TMEM163: variants seen among roughly 807,000 people sequenced by gnomAD.
TMEM163 encodes the protein transmembrane protein 163.
Under a neutral mutation model 29.3 loss-of-function variants are expected in TMEM163, and 17 were observed. The observed-to-expected ratio is 0.58, with a 90% confidence interval of 0.40 to 0.87. The LOEUF (loss-of-function observed/expected upper bound fraction) is 0.87. Among genes scored for constraint, TMEM163 ranks in the 40% least tolerant of loss-of-function variants. TMEM163 has a pLI of 0.00. For missense variants in TMEM163, 303 were observed against 381.5 expected, an observed-to-expected ratio of 0.79 and a Z score of 1.71; for synonymous variants, 157 against 160.6, an observed-to-expected ratio of 0.98 and a Z score of 0.17.
At chr2:134,580,518 C>T (rs1370519491) in intron 2 of TMEM163, among the ~76,000 whole-genome samples, 2 of 152,124 alleles carry the variant, frequency 1.3e-5, no homozygotes, top group Non-Finnish European at 2.9e-5. Context: ...TAAGTGTATA[C>T]GGAATAAAAT....
chr2:134,620,842 G>A (rs1482951933), intron 2 of TMEM163, among the ~76,000 whole-genome samples: 1 of 152,136 alleles, frequency 6.6e-6, no homozygotes, highest in Non-Finnish European at 1.5e-5. Context: ...ATGAGTAACA[G>A]CACTAAATGT....
At chr2:134,686,719 G>C (rs534247639) in intron 2 of TMEM163, among the ~76,000 whole-genome samples, 6 of 152,222 alleles carry the variant, frequency 3.9e-5, no homozygotes, top group Admixed American at 3.9e-4. Flanking sequence ...GAAGTGAAAA[G>C]CTGTGAAGGA....
chr2:134,695,872 G>A (rs977731208), intron 2 of TMEM163, among the ~76,000 whole-genome samples: 1 of 152,054 alleles, frequency 6.6e-6, no homozygotes, highest in African/African-American at 2.4e-5. Flanking sequence ...CCAATATGGC[G>A]AAACCCCGTC....
chr2:134,485,337 T>C (rs2106480770), intron 5 of TMEM163, among the ~76,000 whole-genome samples: 1 of 152,380 alleles, frequency 6.6e-6, no homozygotes, highest in East Asian at 1.9e-4. Flanking sequence ...AATGGTTACA[T>C]GGGTCCTTGA....
chr2:134,587,090 A>G (rs1005027469), intron 2 of TMEM163, among the ~76,000 whole-genome samples: 3 of 152,120 alleles, frequency 2.0e-5, no homozygotes, highest in African/African-American at 7.2e-5. Flanking sequence ...GCTTAAATAA[A>G]AGGTCTACCC....
At chr2:134,614,548 C>T (rs1416834714) in intron 2 of TMEM163, among the ~76,000 whole-genome samples, 2 of 152,096 alleles carry the variant, frequency 1.3e-5, no homozygotes, top group African/African-American at 2.4e-5. Flanking sequence ...ATAAATTGAA[C>T]CTTATCAAAA....
chr2:134,634,726 T>C (rs1403660361), intron 2 of TMEM163, among the ~76,000 whole-genome samples: 3 of 152,252 alleles, frequency 2.0e-5, no homozygotes, highest in Admixed American at 6.5e-5. Flanking sequence ...TGGGTGCATA[T>C]AGTCTTCGTC....
intron 4 of TMEM163, among the ~76,000 whole-genome samples, chr2:134,521,728 C>T (rs962304421): frequency 6.6e-6 from 1 of 152,188 alleles, no homozygotes; most frequent in African/African-American, 2.4e-5. Context: ...CCACCACAGC[C>T]TCTGTGCACA....
chr2:134,594,618 G>A (rs772526899), intron 2 of TMEM163, among the ~76,000 whole-genome samples: 19 of 152,234 alleles, frequency 1.2e-4, no homozygotes, highest in Non-Finnish European at 2.2e-4. Flanking sequence ...CGGCAGAACT[G>A]TAGATCAGGG....
At chr2:134,531,523 T>C (rs573225395) in intron 4 of TMEM163, among the ~76,000 whole-genome samples, 23 of 152,330 alleles carry the variant, frequency 1.5e-4, no homozygotes, top group African/African-American at 5.5e-4. Flanking sequence ...TCTGACCCAC[T>C]GGCTAGGAAT....
At chr2:134,660,131 G>T (rs776320673) in intron 2 of TMEM163, among the ~76,000 whole-genome samples, 4 of 152,170 alleles carry the variant, frequency 2.6e-5, no homozygotes, top group Non-Finnish European at 5.9e-5. Context: ...GCTCCTATGA[G>T]GTGGGGAGGT....
At chr2:134,706,817 G>A (rs1486852574) in intron 2 of TMEM163, among the ~76,000 whole-genome samples, 1 of 152,122 alleles carries the variant, frequency 6.6e-6, no homozygotes, top group Non-Finnish European at 1.5e-5. Context: ...GGGACCTCGT[G>A]GTAACCAAAG....
intron 2 of TMEM163, among the ~76,000 whole-genome samples, chr2:134,626,344 A>T (rs1169063094): frequency 2.0e-5 from 3 of 152,052 alleles, no homozygotes; most frequent in African/African-American, 7.2e-5. Flanking sequence ...ACCTCATGTG[A>T]TCTGCCTGCC....
intron 6 of TMEM163, among the ~76,000 whole-genome samples, chr2:134,464,946 C>T (rs916357197): frequency 5.9e-5 from 9 of 152,148 alleles, no homozygotes; most frequent in Admixed American, 2.6e-4. Context: ...CACCATGCTC[C>T]GTCCTGCGGG....
intron 2 of TMEM163, among the ~76,000 whole-genome samples, chr2:134,638,269 T>A (rs901311510): frequency 6.6e-6 from 1 of 152,244 alleles, no homozygotes; most frequent in Non-Finnish European, 1.5e-5. Flanking sequence ...TAGAGGTTAT[T>A]ACCCCTTTTG....
In TMEM163 at chr2:134,486,713, G is replaced by A. The variant is rs562353370; in HGVS notation, c.555+16188C>T. ...CGTTAAAATCAGTACACCAGGGCAC[G>A]GAAAAGTAGAAAAGCTGCCTAGTTC... On this transcript the variant is annotated intron_variant, in intron 5 of 7. Coordinates refer to ENST00000281924, the MANE Select transcript of TMEM163 (RefSeq NM_030923.5). Among the ~76,000 whole-genome samples the A allele has an allele frequency of 8.5e-5, 13 of 152,280 alleles. No homozygotes were observed. The East Asian group carries it at 2.3e-3, about 27-fold the overall frequency.
intron 5 of TMEM163, among the ~76,000 whole-genome samples, chr2:134,477,912 G>A (rs1051135865): frequency 6.6e-6 from 1 of 152,220 alleles, no homozygotes; most frequent in Non-Finnish European, 1.5e-5. Context: ...ATGTTGAAAT[G>A]TGATTCCAAA....
intron 2 of TMEM163, among the ~76,000 whole-genome samples, chr2:134,582,774 G>C (rs1167976142): frequency 6.6e-6 from 1 of 152,186 alleles, no homozygotes; most frequent in Admixed American, 6.5e-5. Flanking sequence ...GTCACTGGCA[G>C]GTGAGGAAGA....
At chr2:134,688,258 T>C (rs1213258604) in intron 2 of TMEM163, among the ~76,000 whole-genome samples, 1 of 152,116 alleles carries the variant, frequency 6.6e-6, no homozygotes, top group African/African-American at 2.4e-5. Flanking sequence ...GAAATAAGTT[T>C]CTTCCAGCCT....
Sources: gnomAD v4.1 joint callset for allele counts (sites outside exome capture counted in the v4.1 genomes callset) on GRCh38, gnomAD v4.1.1 for gene constraint, MANE v1.5 for transcripts, NCBI Gene and HGNC (gene_info 2026-07-23, HGNC 2026-07-21) for gene names.